RC3H1: variants seen among roughly 807,000 people sequenced by gnomAD.
The protein encoded by RC3H1 is roquin-1.
In RC3H1, 50 loss-of-function variants were observed where a neutral mutation model predicts 138.2. The observed-to-expected ratio is 0.36, with a 90% confidence interval of 0.29 to 0.46. The LOEUF (loss-of-function observed/expected upper bound fraction) is 0.46, where lower values mean the gene tolerates loss of function less well. RC3H1 is among the 20% of genes least tolerant of loss of function. RC3H1 has a pLI of 1.00. For synonymous variants in RC3H1, 462 were observed against 489.1 expected (o/e 0.94, Z 0.73); for missense variants, 1,031 against 1,388.1 (o/e 0.74, Z 4.09).
intron 2 of RC3H1, among the ~76,000 whole-genome samples, chr1:173,985,576 G>A (rs942698947): frequency 1.3e-5 from 2 of 150,660 alleles, no homozygotes; most frequent in African/African-American, 4.9e-5. Context: ...ACAATGTGAC[G>A]ATGTGAGATG....
Position 173,932,194 on chromosome 1 carries a change from A to G in RC3H1, c.*6527T>C, listed in dbSNP as rs1389747606. On this transcript the variant is annotated 3_prime_UTR_variant, in exon 20 of 20. Transcript: ENST00000367696. ...ACGATTGGTAAATTACACAAGCTCT[A>G]TCCCAAGCAAATATGCACCAATGTT... The G allele has an allele frequency of 1.3e-5, 2 of 152,110 alleles. No individual in the cohort carries two copies. The highest frequency in any genetic ancestry group is 2.9e-5 in the Non-Finnish European group (2 of 67,996). The allele number at this position is 152,110 out of a possible 1,614,324, so 9.4% of individuals were successfully genotyped here.
chr1:174,019,223 G>C (rs907634164), intron 1 of RC3H1, among the ~76,000 whole-genome samples: 11 of 152,052 alleles, frequency 7.2e-5, no homozygotes, highest in African/African-American at 2.7e-4. Context: ...TGTTTCTTTT[G>C]TGATTCACAT....
intron 9 of RC3H1, among the ~76,000 whole-genome samples, chr1:173,968,667 AAAT>A (rs1271064991): frequency 6.6e-6 from 1 of 152,080 alleles, no homozygotes. Flanking sequence ...CCACAATGTT[AAAT>A]AACAGTGGTA....
chr1:173,945,716 T>TC (rs551553727), intron 17 of RC3H1, among the ~76,000 whole-genome samples: 1 of 151,188 alleles, frequency 6.6e-6, no homozygotes, highest in Non-Finnish European at 1.5e-5. Flanking sequence ...AAAGTTCTGT[T>TC]TTTTTTTTTG....
intron 19 of RC3H1, 101 bp from the exon 20 acceptor site, chr1:173,938,972 T>C: frequency 1.1e-6 from 1 of 889,394 alleles, no homozygotes; most frequent in Non-Finnish European, 1.6e-6. Context: ...AATATATAAA[T>C]GGCTTCCACA....
In RC3H1 at chr1:173,941,318, T is replaced by A; in HGVS notation, c.3198A>T (p.Gly1066=). 6.2e-7 allele frequency: 1 copy of A among 1,613,976 alleles called. No homozygotes were observed. ...KLNTSKQAEN[G]QPEPQNKVPA... is the part of the protein sequence containing the mutation. ...GAACCTTGTTTTGTGGTTCTGGTTG[T>A]CCATTTTCTGCTTGTTTACTTGTAT... The change falls in exon 19 of 20, where the codon GGA becomes GGT. Residue 1066 remains glycine, a synonymous_variant. Transcript: ENST00000367696.
intron 3 of RC3H1, among the ~76,000 whole-genome samples, chr1:173,984,096 T>G (rs1467143617): frequency 6.6e-6 from 1 of 152,216 alleles, no homozygotes; most frequent in Admixed American, 6.5e-5. Context: ...GCCTATAGCA[T>G]AGCATATAAA....
chr1:173,982,506 T>C (rs1660867399), intron 5 of RC3H1, among the ~76,000 whole-genome samples: 1 of 152,190 alleles, frequency 6.6e-6, no homozygotes, highest in African/African-American at 2.4e-5. Flanking sequence ...TCTATAAACC[T>C]TGACTTGATC....
intron 14 of RC3H1, among the ~76,000 whole-genome samples, chr1:173,951,193 C>T (rs935528299): frequency 6.6e-6 from 1 of 152,028 alleles, no homozygotes; most frequent in African/African-American, 2.4e-5. Flanking sequence ...GCCGTGGTGG[C>T]GCATGCCTCT....
chr1:173,970,380 C>A, intron 9 of RC3H1, 125 bp downstream of exon 9: 1 of 692,380 alleles, frequency 1.4e-6, no homozygotes, highest in South Asian at 1.7e-5. Context: ...AATGTTCAAG[C>A]TGTGTTACAT....
At chr1:173,965,179 A>G (rs1660057403) in intron 9 of RC3H1, 59 bp from the exon 10 acceptor site, 1 of 1,397,096 alleles carries the variant, frequency 7.2e-7, no homozygotes, top group African/African-American at 1.5e-5. Flanking sequence ...ACCAAGAACT[A>G]AAATGTACTT....
Position 173,938,681 on chromosome 1 carries a change from C to A in RC3H1, c.*40G>T. 2.0e-6 allele frequency: 3 copies of A among 1,504,522 alleles called. No individual in the cohort carries two copies. The highest frequency in any genetic ancestry group is 2.5e-5 in the South Asian group (2 of 78,504). The allele number at this position is 1,504,522 out of a possible 1,614,324, so 93.2% of individuals were successfully genotyped here. A position where few individuals can be genotyped will look rare whatever the true frequency, so the allele number is the denominator to read the frequency against. ...TTCTCCTACCCCTATGCCCGACAAA[C>A]TGATTAGGAGCAGAAGATAAAAGTA... On this transcript the variant is annotated 3_prime_UTR_variant, in exon 20 of 20. Transcript: ENST00000367696.
At chr1:173,987,486 T>G (rs1215155714) in intron 2 of RC3H1, among the ~76,000 whole-genome samples, 2 of 152,330 alleles carry the variant, frequency 1.3e-5, no homozygotes, top group Non-Finnish European at 2.9e-5. Flanking sequence ...TGTATGTGTC[T>G]GTGTGTGTTT....
At chr1:174,003,420 C>CAT (rs59118519) in intron 1 of RC3H1, among the ~76,000 whole-genome samples, 3 of 150,670 alleles carry the variant, frequency 2.0e-5, no homozygotes, top group East Asian at 1.9e-4. Context: ...CACACACACA[C>CAT]GTACGGGGAA....
chr1:174,009,855 T>C (rs1661718583), intron 1 of RC3H1, among the ~76,000 whole-genome samples: 1 of 152,136 alleles, frequency 6.6e-6, no homozygotes, highest in Non-Finnish European at 1.5e-5. Context: ...AACAGATTTT[T>C]GTTTCTATCT....
chr1:173,961,477 G>T (rs1003391179), intron 12 of RC3H1, among the ~76,000 whole-genome samples: 1 of 151,482 alleles, frequency 6.6e-6, no homozygotes, highest in African/African-American at 2.4e-5. Context: ...AGTAGATCTA[G>T]AATTGTTAAT....
intron 2 of RC3H1, among the ~76,000 whole-genome samples, chr1:173,988,101 T>G (rs971553460): frequency 1.3e-5 from 2 of 152,224 alleles, no homozygotes; most frequent in African/African-American, 4.8e-5. Flanking sequence ...TTCATATACT[T>G]CAGATTGTCT....
intron 19 of RC3H1, 148 bp from the exon 20 acceptor site, chr1:173,939,019 C>G (rs1258176261): frequency 1.7e-6 from 1 of 576,326 alleles, no homozygotes; most frequent in Non-Finnish European, 2.8e-6. Context: ...TTTTAGCACA[C>G]AGTTGGCAAA....
intron 7 of RC3H1, among the ~76,000 whole-genome samples, chr1:173,975,484 T>C (rs1660535908): frequency 6.6e-6 from 1 of 152,208 alleles, no homozygotes; most frequent in Admixed American, 6.5e-5. Context: ...TAATACGTAC[T>C]ACTTTATGTG....
Sources: gnomAD v4.1 joint callset for allele counts (sites outside exome capture counted in the v4.1 genomes callset) on GRCh38, gnomAD v4.1.1 for gene constraint, MANE v1.5 for transcripts, NCBI Gene and HGNC (gene_info 2026-07-23, HGNC 2026-07-21) for gene names.